WDR47: variants seen among roughly 807,000 people sequenced by gnomAD.
WDR47 encodes WD repeat domain 47, also known as WD repeat-containing protein 47.
In WDR47, 32 loss-of-function variants were observed where a neutral mutation model predicts 97.2. The ratio of observed to expected loss-of-function variants is 0.33; its 90% CI spans 0.25 to 0.44. The LOEUF (loss-of-function observed/expected upper bound fraction) is 0.44, where lower values mean the gene tolerates loss of function less well. Ranked by LOEUF, WDR47 falls within the 20% of genes least tolerant of loss-of-function variation. The pLI is 1.00. For missense variants in WDR47, 782 were observed against 1,102.3 expected (o/e 0.71, Z 4.11); for synonymous variants, 375 against 373.5 (o/e 1.00, Z -0.05).
Position 108,971,313 on chromosome 1 carries a change from G to C in WDR47, c.*117C>G. Reference sequence around the variant, plus strand: ...ATCAGTGGGATACATGGTAATAAGGGGCCTCTTCGTGCTAAACCACTTTCC... The same window carrying C: ...ATCAGTGGGATACATGGTAATAAGGCGCCTCTTCGTGCTAAACCACTTTCC... On this transcript the variant is annotated 3_prime_UTR_variant, in exon 15 of 15. Transcript: ENST00000369962. 7.3e-7 allele frequency: 1 copy of C among 1,366,484 alleles called. No homozygotes were observed. Among genetic ancestry groups the C allele is most frequent in the South Asian group, 1.4e-5 (1 of 72,862 alleles). The allele number at this position is 1,366,484 out of a possible 1,614,324, so 84.6% of individuals were successfully genotyped here.
chr1:109,035,464 A>C (rs1327840049), intron 1 of WDR47, among the ~76,000 whole-genome samples: 2 of 151,936 alleles, frequency 1.3e-5, no homozygotes, highest in African/African-American at 4.8e-5. Context: ...CTTGTATGTT[A>C]ATACATGCAT....
intron 13 of WDR47, among the ~76,000 whole-genome samples, chr1:108,975,579 C>T (rs9728189): frequency 0.039 from 5,842 of 151,474 alleles, 396 homozygotes; most frequent in African/African-American, 0.13. Flanking sequence ...TGAGATTGCG[C>T]CACTGCACTC....
intron 4 of WDR47, among the ~76,000 whole-genome samples, chr1:109,012,650 A>C (rs337294): frequency 0.046 from 7,036 of 151,764 alleles, 199 homozygotes; most frequent in African/African-American, 0.068. Context: ...CCAAAATGGA[A>C]GCTTAGCTGA....
At chr1:109,015,538 G>A (rs977453550) in intron 3 of WDR47, among the ~76,000 whole-genome samples, 2 of 151,792 alleles carry the variant, frequency 1.3e-5, no homozygotes, top group Non-Finnish European at 1.5e-5. Flanking sequence ...ATGTTGGCCA[G>A]GCTGGTCTCC....
At chr1:108,992,950 C>A in intron 8 of WDR47, 4 of 783,374 alleles carry the variant, frequency 5.1e-6, no homozygotes, top group South Asian at 1.7e-5. Context: ...CTTAAGTTTC[C>A]AACTTAAAAG....
intron 8 of WDR47, among the ~76,000 whole-genome samples, chr1:108,991,816 A>C (rs1165899028): frequency 6.6e-6 from 1 of 152,090 alleles, no homozygotes; most frequent in Non-Finnish European, 1.5e-5. Context: ...TCAGCTTTTA[A>C]AATTTTTATT....
intron 1 of WDR47, among the ~76,000 whole-genome samples, chr1:109,029,770 G>C (rs376546433): frequency 3.3e-5 from 5 of 150,514 alleles, no homozygotes; most frequent in Non-Finnish European, 5.9e-5. Context: ...CCAGCTACTC[G>C]AGAGGCTGAG....
intron 13 of WDR47, among the ~76,000 whole-genome samples, chr1:108,981,497 C>T (rs995072704): frequency 6.6e-6 from 1 of 152,136 alleles, no homozygotes; most frequent in Non-Finnish European, 1.5e-5. Flanking sequence ...GCCCTGCTAA[C>T]AGACAATCTG....
intron 1 of WDR47, among the ~76,000 whole-genome samples, chr1:109,039,356 C>G (rs1422545201): frequency 6.6e-6 from 1 of 151,958 alleles, no homozygotes; most frequent in Non-Finnish European, 1.5e-5. Flanking sequence ...CTCCTGTGTT[C>G]AAGCAATTCT....
intron 1 of WDR47, among the ~76,000 whole-genome samples, chr1:109,027,332 A>C (rs1662279690): frequency 6.6e-6 from 1 of 152,150 alleles, no homozygotes; most frequent in Non-Finnish European, 1.5e-5. Context: ...CTGGGATTAC[A>C]GGCGTGAGCC....
chr1:108,974,758 T>G lies in WDR47; in HGVS notation c.2399-4A>C. On this transcript the variant is annotated splice_region_variant and splice_polypyrimidine_tract_variant and intron_variant, in intron 13 of 14. Transcript: ENST00000369962. ...GCTACAGATGCCACTGCACTGCCTG[T>G]AGTGGTAGGAATGAAAGTTTAAATA... is the stretch of plus-strand genomic sequence containing the variant. The G allele has an allele frequency of 6.2e-7, 1 of 1,601,008 alleles. No homozygotes were observed. Among genetic ancestry groups the G allele is most frequent in the Non-Finnish European group, 8.5e-7 (1 of 1,172,508 alleles).
In WDR47 at chr1:108,982,348, C is replaced by A. The variant is rs547762647; in HGVS notation, c.2266+261G>T. On this transcript the variant is annotated intron_variant, in intron 12 of 14. Transcript: ENST00000369962. ...AGGAGTTCAAGACCAGTCTGGGCAA[C>A]ATAGTGAGACACCATATCTACAAAA... Among the ~76,000 whole-genome samples the A allele has an allele frequency of 3.9e-5, 6 of 152,082 alleles. No individual in the cohort carries two copies. In the South Asian group the frequency reaches 1.2e-3, roughly 32 times the overall value.
intron 13 of WDR47, among the ~76,000 whole-genome samples, chr1:108,979,124 C>T (rs1002212987): frequency 6.6e-6 from 1 of 151,878 alleles, no homozygotes; most frequent in Non-Finnish European, 1.5e-5. Context: ...AGAGAGGAGA[C>T]GACCAAAAAC....
intron 7 of WDR47, 96 bp from the exon 8 acceptor site, chr1:108,995,933 CATATA>C: frequency 8.2e-7 from 1 of 1,225,236 alleles, no homozygotes; most frequent in African/African-American, 1.5e-5. Context: ...AAAATATGCA[CATATA>C]ATATATAATC....
At chr1:108,985,546 C>T (rs1395303582) in intron 10 of WDR47, among the ~76,000 whole-genome samples, 1 of 152,180 alleles carries the variant, frequency 6.6e-6, no homozygotes, top group Non-Finnish European at 1.5e-5. Flanking sequence ...CCATCTTCCC[C>T]ACTAAACAAG....
chr1:109,003,373 A>G (rs534180347), intron 6 of WDR47, among the ~76,000 whole-genome samples: 1 of 152,122 alleles, frequency 6.6e-6, no homozygotes, highest in Admixed American at 6.5e-5. Flanking sequence ...TTTCTACTTC[A>G]TTCTTTTTTT....
At chr1:108,997,977 T>C (rs1659890250) in intron 7 of WDR47, among the ~76,000 whole-genome samples, 1 of 152,120 alleles carries the variant, frequency 6.6e-6, no homozygotes, top group Admixed American at 6.5e-5. Context: ...TTATTTATAT[T>C]TTTAGGGTTT....
At chr1:109,007,348 A>T (rs2101925197) in intron 5 of WDR47, among the ~76,000 whole-genome samples, 1 of 151,282 alleles carries the variant, frequency 6.6e-6, no homozygotes, top group Admixed American at 6.6e-5. Context: ...ATAAATAGAG[A>T]CAGGGTCTCA....
Position 109,037,953 on chromosome 1 carries a change from C to T in WDR47, c.-10+3909G>A, listed in dbSNP as rs567861850. 1.3e-4 allele frequency among the ~76,000 whole-genome samples: 20 copies of T among 152,116 alleles called. 1 individual carries two copies. The highest frequency in any genetic ancestry group is 4.8e-4 in the African/African-American group (20 of 41,490). On this transcript the variant is annotated intron_variant, in intron 1 of 14. Coordinates refer to ENST00000369962, the MANE Select transcript of WDR47 (RefSeq NM_001142551.2). Reference sequence around the variant, plus strand: ...GCTCAAGTGATTCTCTCACCTCAGCCTCCCCAGTAGCTAGGACCACAGGTG... The same window carrying T: ...GCTCAAGTGATTCTCTCACCTCAGCTTCCCCAGTAGCTAGGACCACAGGTG...
Sources: allele counts gnomAD v4.1 joint callset (sites outside exome capture counted in the v4.1 genomes callset), GRCh38; gene constraint gnomAD v4.1.1; transcripts MANE v1.5; gene names NCBI Gene and HGNC (gene_info 2026-07-23, HGNC 2026-07-21).